WDR35: variants seen among roughly 807,000 people sequenced by gnomAD.
The protein encoded by WDR35 is WD repeat-containing protein 35.
Under a neutral mutation model 158.3 loss-of-function variants are expected in WDR35, and 118 were observed. The observed-to-expected ratio is 0.75, with a 90% confidence interval of 0.64 to 0.87. WDR35 has a LOEUF of 0.87. Ranked by LOEUF, WDR35 falls within the 40% of genes least tolerant of loss-of-function variation. The pLI is 0.00. For synonymous variants in WDR35, 448 were observed against 476.1 expected, an observed-to-expected ratio of 0.94 and a Z score of 0.77; for missense variants, 1,263 against 1,405.8, an observed-to-expected ratio of 0.90 and a Z score of 1.62.
rs747959931 is a variant in WDR35, at chr2:19,975,516, A to G, written c.570+14T>C. The G allele has an allele frequency of 6.2e-7, 1 of 1,609,832 alleles. No homozygotes were observed. Among genetic ancestry groups the G allele is most frequent in the African/African-American group, 1.3e-5 (1 of 74,960 alleles). On this transcript the variant is annotated intron_variant, in intron 6 of 26. Transcript: ENST00000281405. ...AAAATTGTATAAACAAGACTGATGC[A>G]TACACTTACTTACCATAAAATTTCC...
intron 25 of WDR35, among the ~76,000 whole-genome samples, chr2:19,928,596 A>G (rs1331137286): frequency 6.6e-6 from 1 of 152,204 alleles, no homozygotes; most frequent in Non-Finnish European, 1.5e-5. Context: ...AATAAACATA[A>G]TATTTAACAA....
intron 2 of WDR35, 42 bp downstream of exon 2, chr2:19,989,120 CATT>C: frequency 1.3e-6 from 2 of 1,554,532 alleles, no homozygotes; most frequent in Non-Finnish European, 1.8e-6. Flanking sequence ...GAACAAATAA[CATT>C]AGCCAATTTA....
At chr2:19,965,653 G>A (rs1671825807) in intron 10 of WDR35, among the ~76,000 whole-genome samples, 1 of 152,192 alleles carries the variant, frequency 6.6e-6, no homozygotes, top group African/African-American at 2.4e-5. Context: ...CCCACCCTCA[G>A]CTCTGCTTGA....
chr2:19,934,024 AACCACCACCACCACCACCACC>A lies in WDR35; in HGVS notation c.2548-534_2548-514del, dbSNP rs57759587. ...TTGGAAAGTGGTGGCAGCGAGGAAG[AACCACCACCACCACCACCACC>A]ACCACCACCACCACCACCACCACCA... On this transcript the variant is annotated intron_variant, in intron 21 of 26. Coordinates refer to ENST00000281405, the MANE Select transcript of WDR35 (RefSeq NM_020779.4). This position sits in a 1 kb window ranked among gnomAD's most constrained non-coding sequence, Gnocchi z 4.6. Among the ~76,000 whole-genome samples, 11 of 105,094 alleles carry A rather than the reference AACCACCACCACCACCACCACC, an allele frequency of 1.0e-4. No homozygotes were observed. The highest frequency in any genetic ancestry group is 6.7e-4 in the South Asian group (2 of 2,990). 68.9% of individuals were successfully genotyped at this position (105,094 alleles called of 152,430 possible). A position where few individuals can be genotyped will look rare whatever the true frequency, so the allele number is the denominator to read the frequency against.
chr2:19,969,390 A>C, intron 9 of WDR35, 90 bp downstream of exon 9: 2 of 1,422,400 alleles, frequency 1.4e-6, no homozygotes, highest in Non-Finnish European at 9.6e-7. Context: ...GCTAGCTCCT[A>C]AAACAAGACA....
Position 19,939,182 on chromosome 2 carries a change from C to T in WDR35, c.1927-781G>A, listed in dbSNP as rs969246335. 1.3e-4 allele frequency among the ~76,000 whole-genome samples: 20 copies of T among 152,072 alleles called. 1 individual carries two copies. The highest frequency in any genetic ancestry group is 4.1e-4 in the African/African-American group (17 of 41,488). On this transcript the variant is annotated intron_variant, in intron 17 of 26. Transcript: ENST00000281405. ...AAGATTAATCAAAATTAAGAACTTA[C>T]GTAAGGAGAAAATGTAGTAAAAAGC...
At chr2:19,986,486 T>A (rs186362945) in intron 2 of WDR35, among the ~76,000 whole-genome samples, 11 of 152,318 alleles carry the variant, frequency 7.2e-5, no homozygotes, top group Admixed American at 5.9e-4. Context: ...GAGAGAAAAG[T>A]AGTACGTCTA....
Position 19,937,692 on chromosome 2 carries a change from C to A in WDR35, c.2267+51G>T, listed in dbSNP as rs944606653. On this transcript the variant is annotated intron_variant, in intron 19 of 26. Transcript: ENST00000281405. ...TTATAGTTTCCATTTGTAAAAAATACAATGATGAACTGATAGAGTACTCAG... is the reference window on the plus strand; with the variant it reads ...TTATAGTTTCCATTTGTAAAAAATAAAATGATGAACTGATAGAGTACTCAG... 2.8e-5 allele frequency: 45 copies of A among 1,609,618 alleles called. No individual in the cohort carries two copies. The African/African-American group carries it at 5.5e-4, about 20-fold the overall frequency.
rs370011220 is a variant in WDR35 at position 19,974,649 on chromosome 2, T to C, written c.571-16A>G. On this transcript the variant is annotated splice_polypyrimidine_tract_variant and intron_variant, in intron 6 of 26. Coordinates refer to ENST00000281405, the MANE Select transcript of WDR35 (RefSeq NM_020779.4). Reference sequence around the variant, plus strand: ...TCATTTTTATCTAAATAAAATTGGTTAGGTTTAATATTTTACATTTTAAAA... The same window carrying C: ...TCATTTTTATCTAAATAAAATTGGTCAGGTTTAATATTTTACATTTTAAAA... 45 of 1,608,666 alleles carry C rather than the reference T, an allele frequency of 2.8e-5. No individual in the cohort carries two copies. The highest frequency in any genetic ancestry group is 3.6e-5 in the Non-Finnish European group (42 of 1,176,528).
chr2:19,943,785 T>G (rs776432746), intron 16 of WDR35, among the ~76,000 whole-genome samples: 18 of 152,058 alleles, frequency 1.2e-4, no homozygotes, highest in Non-Finnish European at 2.4e-4. Flanking sequence ...GCAGGGAATA[T>G]CAACATTAAA....
At chr2:19,953,803 G>C in intron 12 of WDR35, 31 bp downstream of exon 12, 1 of 1,613,538 alleles carries the variant, frequency 6.2e-7, no homozygotes, top group Non-Finnish European at 8.5e-7. Flanking sequence ...ATATGGTTGA[G>C]CTACTAAAAA....
At chr2:19,987,619 C>G (rs1672610517) in intron 2 of WDR35, among the ~76,000 whole-genome samples, 1 of 151,790 alleles carries the variant, frequency 6.6e-6, no homozygotes, top group Non-Finnish European at 1.5e-5. Context: ...GTCAGGAGAT[C>G]AAGACCATCC....
chr2:19,928,889 C>T (rs971985114), intron 25 of WDR35, among the ~76,000 whole-genome samples: 1 of 151,968 alleles, frequency 6.6e-6, no homozygotes, highest in Non-Finnish European at 1.5e-5. Context: ...TCACTGCAAG[C>T]TCCGCCTCCC....
intron 11 of WDR35, among the ~76,000 whole-genome samples, chr2:19,955,134 G>T (rs372927614): frequency 6.6e-6 from 1 of 152,106 alleles, no homozygotes; most frequent in African/African-American, 2.4e-5. Flanking sequence ...TGTATTTTTA[G>T]TAGAGACGGG....
At chr2:19,914,343 A>G (rs1669932438) in intron 25 of WDR35, 66 bp from the exon 26 acceptor site, 9 of 1,597,518 alleles carry the variant, frequency 5.6e-6, no homozygotes, top group Admixed American at 1.7e-5. Flanking sequence ...CATGCAAAAG[A>G]AGAATCTAAG....
intron 25 of WDR35, among the ~76,000 whole-genome samples, chr2:19,919,380 CAA>C (rs1302042752): frequency 1.9e-3 from 91 of 48,230 alleles, no homozygotes; most frequent in African/African-American, 5.1e-3. Context: ...GGCTCCATCT[CAA>C]AAAAAAAAAA....
Position 19,934,087 on chromosome 2 carries a change from T to A in WDR35, c.2548-576A>T, listed in dbSNP as rs2103400944. 2.0e-5 allele frequency among the ~76,000 whole-genome samples: 2 copies of A among 97,814 alleles called. No individual in the cohort carries two copies. The highest frequency in any genetic ancestry group is 3.8e-5 in the Non-Finnish European group (2 of 53,264). The allele number at this position is 97,814 out of a possible 152,430, so 64.2% of individuals were successfully genotyped here. A position where few individuals can be genotyped will look rare whatever the true frequency, so the allele number is the denominator to read the frequency against. On this transcript the variant is annotated intron_variant, in intron 21 of 26. Transcript: ENST00000281405. The surrounding 1 kb of genome is among the most constrained non-coding windows in gnomAD (Gnocchi z 4.6). ...CCACCACCACCACAAAAAAAAATCCTACTTGTTCAGCTGCACTGGCCATTT... is the reference window on the plus strand; with the variant it reads ...CCACCACCACCACAAAAAAAAATCCAACTTGTTCAGCTGCACTGGCCATTT...
rs775351449 is a variant in WDR35 at position 19,973,603 on chromosome 2, T to G, written c.842A>C (p.Lys281Thr). 74 of 1,614,066 alleles carry G rather than the reference T, an allele frequency of 4.6e-5. 2 individuals are homozygous for G. In the South Asian group the frequency reaches 7.8e-4, roughly 17 times the overall value. The change falls in exon 8 of 27, where the codon AAA (lysine) becomes ACA (threonine). Residue 281 changes from lysine to threonine, a missense_variant. Physicochemically the swap from Lys to Thr is moderately conservative, Grantham distance 78. Transcript: ENST00000281405. The part of the protein sequence containing the change: ...AGFQKAAMQD[K>T]DVNIVQFYTP... ...GTAAAACTGCACAATGTTCACATCT[T>G]TGTCCTGCATGGCTGCCTTCTGGAA... is the stretch of plus-strand genomic sequence containing the variant.
chr2:19,947,030 T>C lies in WDR35; in HGVS notation c.1525-460A>G, dbSNP rs545178444. Among the ~76,000 whole-genome samples the C allele has an allele frequency of 2.0e-5, 3 of 152,348 alleles. No individual in the cohort carries two copies. The East Asian group carries it at 5.8e-4, about 29-fold the overall frequency. On this transcript the variant is annotated intron_variant, in intron 14 of 26. Coordinates refer to ENST00000281405, the MANE Select transcript of WDR35 (RefSeq NM_020779.4). ...TTTTATCCTATAGTCATCTATCTGA[T>C]ACTAGTTTTTAGCAAAAGGAAAGAT...
Sources: allele counts gnomAD v4.1 joint callset (sites outside exome capture counted in the v4.1 genomes callset), GRCh38; gene constraint gnomAD v4.1.1; non-coding constraint Gnocchi (gnomAD v3.1); transcripts MANE v1.5; gene names NCBI Gene and HGNC (gene_info 2026-07-23, HGNC 2026-07-21).